Variants in CHD7 observed in about 807,000 individuals in gnomAD.
CHD7 encodes chromodomain helicase DNA binding protein 7.
Under a neutral mutation model 307.3 loss-of-function variants are expected in CHD7, and 24 were observed. The ratio of observed to expected loss-of-function variants is 0.08; its 90% CI spans 0.06 to 0.11. CHD7 has a LOEUF of 0.11. CHD7 is among the 10% of genes least tolerant of loss of function. The pLI, the probability that CHD7 is intolerant of heterozygous loss-of-function variation, is 1.00. For missense variants in CHD7, 3,106 were observed against 3,727.1 expected (o/e 0.83, Z 4.34); for synonymous variants, 1,363 against 1,349.9 (o/e 1.01, Z -0.21).
chr8:60,712,445 G>GT, intron 1 of CHD7, among the ~76,000 whole-genome samples: 1 of 152,286 alleles, frequency 6.6e-6, no homozygotes, highest in South Asian at 2.1e-4. Flanking sequence ...TTTCTAACAT[G>GT]TAAAAGTAGA....
At chr8:60,693,586 G>A (rs1312481405) in intron 1 of CHD7, among the ~76,000 whole-genome samples, 1 of 152,218 alleles carries the variant, frequency 6.6e-6, no homozygotes, top group African/African-American at 2.4e-5. Context: ...CTCAGCTATC[G>A]AGCCCCTGCT....
intron 7 of CHD7, among the ~76,000 whole-genome samples, chr8:60,813,935 G>A (rs1207789197): frequency 6.6e-6 from 1 of 151,946 alleles, no homozygotes; most frequent in East Asian, 1.9e-4. Flanking sequence ...ATATATACCT[G>A]TTTCATAAAG....
intron 7 of CHD7, among the ~76,000 whole-genome samples, chr8:60,814,836 T>C (rs1803651453): frequency 6.6e-6 from 1 of 152,242 alleles, no homozygotes; most frequent in African/African-American, 2.4e-5. Flanking sequence ...GTATCCCTTA[T>C]CTGGAATGGT....
At chr8:60,773,600 G>C (rs562976499) in intron 2 of CHD7, among the ~76,000 whole-genome samples, 1 of 152,312 alleles carries the variant, frequency 6.6e-6, no homozygotes, top group South Asian at 2.1e-4. Context: ...CAATGAATCT[G>C]TGACAAAGAT....
At chr8:60,840,193 A>G (rs975111564) in intron 19 of CHD7, among the ~76,000 whole-genome samples, 3 of 152,166 alleles carry the variant, frequency 2.0e-5, no homozygotes, top group Non-Finnish European at 4.4e-5. Flanking sequence ...TTCGTTTTGC[A>G]TGTGGCTATC....
At chr8:60,780,183 C>G (rs1238808841) in intron 2 of CHD7, among the ~76,000 whole-genome samples, 2 of 152,152 alleles carry the variant, frequency 1.3e-5, no homozygotes, top group Admixed American at 6.5e-5. Flanking sequence ...GAGTCACTTC[C>G]TCTGATCTTG....
rs889211152 is a variant in CHD7, at chr8:60,853,429, A to G, written c.6704A>G (p.Lys2235Arg). The G allele has an allele frequency of 6.6e-7, 1 of 1,521,344 alleles. No individual in the cohort carries two copies. The highest frequency in any genetic ancestry group is 1.4e-5 in the African/African-American group (1 of 71,712). 94.2% of individuals were successfully genotyped at this position (1,521,344 alleles called of 1,614,324 possible). The part of the protein sequence containing the change: ...ADTGSKSISE[K>R]GSEEDEEEKL... ...ACTGGGTCCAAATCTATTTCAGAGAAAGGTTCCGAAGAGGATGAAGAGGAA... is the reference window on the plus strand; with the variant it reads ...ACTGGGTCCAAATCTATTTCAGAGAGAGGTTCCGAAGAGGATGAAGAGGAA... The change falls in exon 31 of 38, where the codon AAA becomes AGA. Residue 2235 changes from lysine to arginine, a missense_variant. Physicochemically the swap from Lys to Arg is conservative, Grantham distance 26. Around this residue, in one of 10 missense-constraint regions of CHD7, gnomAD observed 1,030 missense variants for 1,165.4 expected, o/e 0.88. Coordinates refer to ENST00000423902, the MANE Select transcript of CHD7 (RefSeq NM_017780.4).
At chr8:60,754,548 C>T (rs1327089498) in intron 2 of CHD7, among the ~76,000 whole-genome samples, 1 of 152,158 alleles carries the variant, frequency 6.6e-6, no homozygotes, top group Non-Finnish European at 1.5e-5. Flanking sequence ...AGGACATCAT[C>T]TATCAGTGCC....
At chr8:60,754,499 C>G (rs1809791792) in intron 2 of CHD7, among the ~76,000 whole-genome samples, 1 of 152,074 alleles carries the variant, frequency 6.6e-6, no homozygotes, top group Admixed American at 6.6e-5. Flanking sequence ...TCTACTCTTT[C>G]ACTTTGAAGT....
In CHD7 at chr8:60,781,011, G is replaced by A. The variant is rs568348314; in HGVS notation, c.1677G>A (p.Ser559=). 56 of 1,557,410 alleles carry A rather than the reference G, an allele frequency of 3.6e-5. No homozygotes were observed. Among genetic ancestry groups the A allele is most frequent in the Middle Eastern group, 1.7e-4 (1 of 5,796 alleles). The change falls in exon 3 of 38, where the codon TCG becomes TCA. Residue 559 remains serine, a synonymous_variant. Transcript: ENST00000423902. ...TTTGTGTCTCTCAGCATTCCCCGTC[G>A]GAGCCCTTTCTAGAGAAACCAGTGC... ...QKVPVHQHSP[S]EPFLEKPVPD... is the part of the protein sequence containing the mutation.
intron 19 of CHD7, among the ~76,000 whole-genome samples, chr8:60,840,062 G>A (rs959517770): frequency 1.4e-4 from 22 of 152,164 alleles, no homozygotes; most frequent in Non-Finnish European, 2.8e-4. Flanking sequence ...CATTCAGTTA[G>A]CATAATGTTA....
chr8:60,852,484 A>T lies in CHD7; in HGVS notation c.5895-14A>T. 1.2e-6 allele frequency: 2 copies of T among 1,606,372 alleles called. No individual in the cohort carries two copies. Among genetic ancestry groups the T allele is most frequent in the Non-Finnish European group, 1.7e-6 (2 of 1,173,888 alleles). The stretch of plus-strand genomic sequence containing the variant: ...CCTGAAGTATGATGCAAGCTAATAT[A>T]ATCTTTCTAACAGGTGGACAAGAAG... On this transcript the variant is annotated splice_polypyrimidine_tract_variant and intron_variant, in intron 29 of 37. Transcript: ENST00000423902.
At chr8:60,780,288 C>T (rs1364834902) in intron 2 of CHD7, among the ~76,000 whole-genome samples, 1 of 152,084 alleles carries the variant, frequency 6.6e-6, no homozygotes, top group Non-Finnish European at 1.5e-5. Flanking sequence ...CAAGAACCTC[C>T]CAAAGGCATG....
intron 2 of CHD7, among the ~76,000 whole-genome samples, chr8:60,754,224 C>T (rs976295718): frequency 6.6e-6 from 1 of 152,188 alleles, no homozygotes; most frequent in African/African-American, 2.4e-5. Context: ...GCTTCATATA[C>T]ACTGAGAACT....
In CHD7 at chr8:60,851,586, A is replaced by G. The variant is rs114428319; in HGVS notation, c.5665+267A>G. Reference sequence around the variant, plus strand: ...GTGAAAAATTTTAAGCATCTAAACTATAGCTCTTGGGAATAGAGCATAGAG... The same window carrying G: ...GTGAAAAATTTTAAGCATCTAAACTGTAGCTCTTGGGAATAGAGCATAGAG... On this transcript the variant is annotated intron_variant, in intron 28 of 37. Transcript: ENST00000423902. Among the ~76,000 whole-genome samples the G allele has an allele frequency of 4.5e-3, 681 of 152,372 alleles. 6 individuals carry two copies. Among genetic ancestry groups the G allele is most frequent in the African/African-American group, 0.016 (657 of 41,592 alleles).
rs1259973942 is a variant in CHD7, at chr8:60,790,280, G to A, written c.2097-4706G>A. On this transcript the variant is annotated intron_variant, in intron 3 of 37. Coordinates refer to ENST00000423902, the MANE Select transcript of CHD7 (RefSeq NM_017780.4). Reference sequence around the variant, plus strand: ...TAGCCTCACAAGTGGATGGCTCTACGTCTCTCTAGCCTCGTGAGTGGATGG... The same window carrying A: ...TAGCCTCACAAGTGGATGGCTCTACATCTCTCTAGCCTCGTGAGTGGATGG... Among the ~76,000 whole-genome samples, 103 of 152,026 alleles carry A rather than the reference G, an allele frequency of 6.8e-4. 1 individual carries two copies. The highest frequency in any genetic ancestry group is 6.4e-3 in the Admixed American group (98 of 15,274).
intron 4 of CHD7, among the ~76,000 whole-genome samples, 192 bp downstream of exon 4, chr8:60,795,319 G>C (rs1230126376): frequency 6.6e-6 from 1 of 152,146 alleles, no homozygotes; most frequent in Non-Finnish European, 1.5e-5. Context: ...TTATACTCCT[G>C]ACAAGAGTGG....
At chr8:60,699,814 T>C (rs182324410) in intron 1 of CHD7, among the ~76,000 whole-genome samples, 1 of 150,514 alleles carries the variant, frequency 6.6e-6, no homozygotes, top group East Asian at 2.0e-4. Context: ...GTTTATTGTT[T>C]GATAACTTGA....
intron 1 of CHD7, among the ~76,000 whole-genome samples, chr8:60,730,161 A>T (rs1312844970): frequency 5.9e-5 from 9 of 152,224 alleles, no homozygotes; most frequent in Non-Finnish European, 2.9e-5. Context: ...TTAATTACTG[A>T]TAGTATTATA....
Sources: allele counts gnomAD v4.1 joint callset (sites outside exome capture counted in the v4.1 genomes callset), GRCh38; gene constraint gnomAD v4.1.1; regional missense constraint gnomAD v4.1.1; transcripts MANE v1.5; gene names NCBI Gene and HGNC (gene_info 2026-07-23, HGNC 2026-07-21).